Variants in OOSP3 observed in about 807,000 individuals in gnomAD.
OOSP3 encodes the protein oocyte secreted protein family member 3, also known as oocyte-secreted protein 3.
At chr11:59,890,111 C>T (rs1213181941) in intron 2 of OOSP3, among the ~76,000 whole-genome samples, 3 of 151,898 alleles carry the variant, frequency 2.0e-5, no homozygotes, top group Non-Finnish European at 4.4e-5. Context: ...CTGCTTTTTT[C>T]TGCTTTCCAT....
chr11:59,889,789 T>C (rs1853293985), intron 2 of OOSP3, among the ~76,000 whole-genome samples: 1 of 152,212 alleles, frequency 6.6e-6, no homozygotes, highest in African/African-American at 2.4e-5. Context: ...TAGAGTTCTG[T>C]AGATATCTAT....
At chr11:59,892,794 T>C (rs1407609421) in intron 2 of OOSP3, among the ~76,000 whole-genome samples, 1 of 152,170 alleles carries the variant, frequency 6.6e-6, no homozygotes, top group Non-Finnish European at 1.5e-5. Flanking sequence ...TTGACTTTCA[T>C]AGATACTGTG....
chr11:59,879,929 C>T (rs532301479), intron 1 of OOSP3, among the ~76,000 whole-genome samples: 17 of 152,298 alleles, frequency 1.1e-4, no homozygotes, highest in Admixed American at 3.9e-4. Flanking sequence ...AACTCAAGGC[C>T]AGCACACCAG....
rs555636684 is a variant in OOSP3, at chr11:59,890,702, C to T, written c.253-3377C>T. 4.6e-5 allele frequency among the ~76,000 whole-genome samples: 7 copies of T among 152,214 alleles called. 1 individual carries two copies. The South Asian group carries it at 1.5e-3, about 32-fold the overall frequency. The stretch of plus-strand genomic sequence containing the variant: ...TTACCTGGCCTTTCTCTCTGACTGC[C>T]CTTAACATTTTTTTCCTTCATTTCG... On this transcript the variant is annotated intron_variant, in intron 2 of 4. Coordinates refer to ENST00000646438, the Ensembl canonical transcript of OOSP3.
intron 3 of OOSP3, 114 bp downstream of exon 3, chr11:59,894,290 C>T: frequency 2.5e-6 from 1 of 394,150 alleles, no homozygotes; most frequent in Non-Finnish European, 4.5e-6. Flanking sequence ...GGTTGGTTTG[C>T]ATAGTTTCTC....
At chr11:59,884,481 C>G (rs1345657443) in intron 2 of OOSP3, among the ~76,000 whole-genome samples, 1,664 of 16,010 alleles carry the variant, frequency 0.1, 16 homozygotes, top group Middle Eastern at 0.5. Context: ...GTCTGTCTCT[C>G]TCTCTCTCTC....
chr11:59,888,360 C>A (rs901341932), intron 2 of OOSP3, among the ~76,000 whole-genome samples: 1 of 152,150 alleles, frequency 6.6e-6, no homozygotes, highest in Non-Finnish European at 1.5e-5. Flanking sequence ...TGAGAGAGGG[C>A]ATCTTTGTCC....
At chr11:59,887,789 C>T (rs1006649033) in intron 2 of OOSP3, among the ~76,000 whole-genome samples, 6 of 151,970 alleles carry the variant, frequency 3.9e-5, no homozygotes, top group South Asian at 2.1e-4. Flanking sequence ...AGCTCTTTTT[C>T]GGTTCCATAT....
At chr11:59,887,919 T>C (rs1398360523) in intron 2 of OOSP3, among the ~76,000 whole-genome samples, 2 of 152,240 alleles carry the variant, frequency 1.3e-5, no homozygotes, top group East Asian at 3.8e-4. Context: ...ATATTGATTC[T>C]TCCTATCCAA....
At position 59,890,407 on chromosome 11, in the gene OOSP3, G is replaced by C. The variant is rs529197306; in HGVS notation, c.253-3672G>C. Reference sequence around the variant, plus strand: ...TGTACTTTAGTGTGTTTTTGTAGTGGCTGATAATGGTTTTTCCTTTCCATG... The same window carrying C: ...TGTACTTTAGTGTGTTTTTGTAGTGCCTGATAATGGTTTTTCCTTTCCATG... On this transcript the variant is annotated intron_variant, in intron 2 of 4. Transcript: ENST00000646438. 2.0e-5 allele frequency among the ~76,000 whole-genome samples: 3 copies of C among 152,298 alleles called. No homozygotes were observed. The South Asian group carries it at 6.2e-4, about 32-fold the overall frequency.
chr11:59,894,226 G>C, intron 3 of OOSP3, 50 bp downstream of exon 3: 1 of 398,146 alleles, frequency 2.5e-6, no homozygotes, highest in Non-Finnish European at 4.4e-6. Context: ...AAGAACTAAT[G>C]AAAAGGAAAA....
intron 2 of OOSP3, among the ~76,000 whole-genome samples, chr11:59,880,778 A>T (rs1853191527): frequency 6.6e-6 from 1 of 152,230 alleles, no homozygotes; most frequent in African/African-American, 2.4e-5. Flanking sequence ...GTAACAATTT[A>T]CCATAGATCA....
chr11:59,891,105 C>CTG (rs1197882276), intron 2 of OOSP3, among the ~76,000 whole-genome samples: 1 of 152,166 alleles, frequency 6.6e-6, no homozygotes, highest in Non-Finnish European at 1.5e-5. Flanking sequence ...AGTTCTTGTG[C>CTG]TGTGTTTTTC....
chr11:59,884,475 G>GTCTCTCTCTCTCTCTCTCTCTC (rs60145654), intron 2 of OOSP3, among the ~76,000 whole-genome samples: 1 of 113,834 alleles, frequency 8.8e-6, no homozygotes, highest in Admixed American at 9.5e-5. Context: ...CTGTCTGTCT[G>GTCTCTCTCTCTCTCTCTCTCTC]TCTCTCTCTC....
At chr11:59,885,913 G>A (rs1008240968) in intron 2 of OOSP3, among the ~76,000 whole-genome samples, 51 of 151,464 alleles carry the variant, frequency 3.4e-4, no homozygotes, top group African/African-American at 1.1e-3. Context: ...TTTATGTTCT[G>A]GGGTACATGT....
chr11:59,892,368 A>G (rs1351798322), intron 2 of OOSP3, among the ~76,000 whole-genome samples: 1 of 151,382 alleles, frequency 6.6e-6, no homozygotes, highest in African/African-American at 2.4e-5. Context: ...AGTCAGTCCC[A>G]ATAAGAGAAT....
At chr11:59,892,221 C>G (rs1435617235) in intron 2 of OOSP3, among the ~76,000 whole-genome samples, 1 of 151,426 alleles carries the variant, frequency 6.6e-6, no homozygotes, top group Non-Finnish European at 1.5e-5. Flanking sequence ...AAAAGTGTAG[C>G]TCTCCGGATG....
intron 2 of OOSP3, among the ~76,000 whole-genome samples, chr11:59,880,868 C>A (rs565616528): frequency 1.1e-3 from 161 of 151,714 alleles, no homozygotes; most frequent in African/African-American, 3.8e-3. Flanking sequence ...AAGAAGCAGG[C>A]GATGAAAAAA....
At chr11:59,884,325 A>G (rs1367490596) in intron 2 of OOSP3, among the ~76,000 whole-genome samples, 1 of 152,142 alleles carries the variant, frequency 6.6e-6, no homozygotes, top group African/African-American at 2.4e-5. Context: ...GTGTACAGAA[A>G]TAGAACTGAT....
Sources: gnomAD v4.1 joint callset for allele counts (sites outside exome capture counted in the v4.1 genomes callset) on GRCh38, gnomAD v4.1.1 for gene constraint, MANE v1.5 for transcripts, NCBI Gene and HGNC (gene_info 2026-07-23, HGNC 2026-07-21) for gene names.